RARB: variants seen among roughly 807,000 people sequenced by gnomAD.
RARB encodes retinoic acid receptor beta, also known as HBV-activated protein.
A neutral mutation model predicts 51.9 loss-of-function variants in RARB; 17 were observed. The ratio of observed to expected loss-of-function variants is 0.33; its 90% CI spans 0.22 to 0.49. The LOEUF (loss-of-function observed/expected upper bound fraction) is 0.49, where lower values mean the gene tolerates loss of function less well. Ranked by LOEUF, RARB falls within the 20% of genes least tolerant of loss-of-function variation. The pLI, the probability that RARB is intolerant of heterozygous loss-of-function variation, is 0.99. For missense variants in RARB, 369 were observed against 550.8 expected (o/e 0.67, Z 3.30); for synonymous variants, 215 against 195.4 (o/e 1.10, Z -0.84).
intron 3 of RARB, among the ~76,000 whole-genome samples, chr3:25,564,050 A>C (rs1700383337): frequency 1.3e-5 from 2 of 151,204 alleles, no homozygotes. Context: ...TTCCTGCATT[A>C]AATTTTTATT....
At chr3:24,889,945 T>C (rs1423373164) in intron 2 of RARB, among the ~76,000 whole-genome samples, 1 of 151,926 alleles carries the variant, frequency 6.6e-6, no homozygotes, top group Non-Finnish European at 1.5e-5. Context: ...AAAAGTTTCT[T>C]GGATAGCCCT....
At chr3:25,165,750 A>G (rs746053903) in intron 4 of RARB, among the ~76,000 whole-genome samples, 9 of 152,210 alleles carry the variant, frequency 5.9e-5, no homozygotes, top group African/African-American at 9.6e-5. Flanking sequence ...GTGCATTGCT[A>G]GCAGATGTAA....
chr3:25,163,245 T>A (rs890523305), intron 4 of RARB, among the ~76,000 whole-genome samples: 1 of 152,176 alleles, frequency 6.6e-6, no homozygotes, highest in Non-Finnish European at 1.5e-5. Flanking sequence ...GGCTCACGCC[T>A]ATGATCCCGG....
At chr3:25,553,921 G>A (rs375230559) in intron 3 of RARB, among the ~76,000 whole-genome samples, 1 of 152,050 alleles carries the variant, frequency 6.6e-6, no homozygotes, top group Admixed American at 6.6e-5. Context: ...GATGCAGAAT[G>A]TTCTGTGCAG....
chr3:25,339,585 T>TG (rs1575324285), intron 5 of RARB, among the ~76,000 whole-genome samples: 1 of 151,746 alleles, frequency 6.6e-6, no homozygotes, highest in South Asian at 2.1e-4. Context: ...GCTGAAGTTT[T>TG]TTTTTTTTTT....
chr3:25,573,316 C>G (rs1331901528), intron 4 of RARB, among the ~76,000 whole-genome samples: 1 of 152,186 alleles, frequency 6.6e-6, no homozygotes, highest in Non-Finnish European at 1.5e-5. Context: ...CTCCAGGGCC[C>G]TTTCCTATCC....
rs931251478 is a variant in RARB at position 25,511,333 on chromosome 3, G to A, written c.448+10010G>A. ...ATTTTTAGTAGGGACAGGTTTCACC[G>A]TGTTAGCCAGGATGGTCTCAATCTC... On this transcript the variant is annotated intron_variant, in intron 3 of 7. Coordinates refer to ENST00000330688, the MANE Select transcript of RARB (RefSeq NM_000965.5). 6.6e-5 allele frequency among the ~76,000 whole-genome samples: 10 copies of A among 151,986 alleles called. No individual in the cohort carries two copies. The East Asian group carries it at 7.7e-4, about 12-fold the overall frequency.
chr3:25,314,618 C>CT (rs1280683933), intron 5 of RARB, among the ~76,000 whole-genome samples: 4 of 151,920 alleles, frequency 2.6e-5, no homozygotes, highest in African/African-American at 7.3e-5. Flanking sequence ...CAACAAAAAC[C>CT]TTTTTTTTCC....
chr3:25,481,547 G>A (rs1292138395), intron 2 of RARB, among the ~76,000 whole-genome samples: 1 of 152,190 alleles, frequency 6.6e-6, no homozygotes, highest in Non-Finnish European at 1.5e-5. Flanking sequence ...TGTTCCCTCG[G>A]TTAAGCATGC....
intron 5 of RARB, among the ~76,000 whole-genome samples, chr3:25,295,404 T>G (rs977762136): frequency 6.6e-6 from 1 of 152,208 alleles, no homozygotes; most frequent in Non-Finnish European, 1.5e-5. Flanking sequence ...ATACCATCTA[T>G]GAAGAACAGA....
intron 3 of RARB, among the ~76,000 whole-genome samples, chr3:25,566,971 C>A (rs866891578): frequency 1.3e-5 from 2 of 152,186 alleles, no homozygotes; most frequent in South Asian, 2.1e-4. Context: ...GGATTCTTCA[C>A]CTGCTGATGC....
chr3:25,032,244 A>C (rs1697891420), intron 2 of RARB, among the ~76,000 whole-genome samples: 1 of 152,230 alleles, frequency 6.6e-6, no homozygotes, highest in Non-Finnish European at 1.5e-5. Flanking sequence ...TGTCTTATTT[A>C]TCTTAATTAA....
At chr3:24,948,818 A>G (rs866557194) in intron 2 of RARB, among the ~76,000 whole-genome samples, 20 of 152,040 alleles carry the variant, frequency 1.3e-4, no homozygotes, top group African/African-American at 3.9e-4. Flanking sequence ...CCTTCTTGTC[A>G]TGTGTGACGT....
intron 4 of RARB, among the ~76,000 whole-genome samples, chr3:25,141,940 T>C (rs2125337286): frequency 6.6e-6 from 1 of 152,352 alleles, no homozygotes; most frequent in South Asian, 2.1e-4. Flanking sequence ...TACTTACTAA[T>C]ACTCATGACA....
chr3:25,368,389 G>A (rs1479141614), intron 5 of RARB, among the ~76,000 whole-genome samples: 1 of 152,006 alleles, frequency 6.6e-6, no homozygotes, highest in Non-Finnish European at 1.5e-5. Context: ...CACCTACTTG[G>A]AGAAAAACTT....
chr3:25,566,991 CT>C (rs1489120803), intron 3 of RARB, among the ~76,000 whole-genome samples: 5 of 152,172 alleles, frequency 3.3e-5, no homozygotes, highest in Non-Finnish European at 5.9e-5. Context: ...CCCAGTGGCC[CT>C]TGCCACACAA....
At chr3:25,348,653 G>T (rs1272412944) in intron 5 of RARB, among the ~76,000 whole-genome samples, 1 of 152,192 alleles carries the variant, frequency 6.6e-6, no homozygotes, top group Non-Finnish European at 1.5e-5. Flanking sequence ...TTACAGAGCA[G>T]ATAAGAACAC....
At chr3:25,065,945 A>G (rs1343234250) in intron 3 of RARB, among the ~76,000 whole-genome samples, 1 of 152,132 alleles carries the variant, frequency 6.6e-6, no homozygotes, top group Non-Finnish European at 1.5e-5. Context: ...TTTTTTTTAA[A>G]GAAAGTGGTA....
At chr3:25,585,920 A>G (rs918946415) in intron 5 of RARB, among the ~76,000 whole-genome samples, 8 of 152,148 alleles carry the variant, frequency 5.3e-5, no homozygotes, top group African/African-American at 1.9e-4. Flanking sequence ...CAGGTTGGGC[A>G]AGCTGAAGGG....
Sources: allele counts gnomAD v4.1 joint callset (sites outside exome capture counted in the v4.1 genomes callset), GRCh38; gene constraint gnomAD v4.1.1; transcripts MANE v1.5; gene names NCBI Gene and HGNC (gene_info 2026-07-23, HGNC 2026-07-21).